The following PCDH9 variants were observed in gnomAD, a reference collection of about 807,000 sequenced individuals.
PCDH9 encodes the protein protocadherin 9.
PCDH9 carries 24 observed loss-of-function variants against 70.6 expected under a neutral mutation model. The observed-to-expected ratio is 0.34, with a 90% confidence interval of 0.25 to 0.48. The LOEUF is 0.48. Among genes scored for constraint, PCDH9 ranks in the 20% least tolerant of loss-of-function variants. PCDH9 has a pLI of 0.99. For synonymous variants in PCDH9, 562 were observed against 558.5 expected (o/e 1.01, Z -0.09); for missense variants, 1,281 against 1,503.6 (o/e 0.85, Z 2.45).
intron 4 of PCDH9, among the ~76,000 whole-genome samples, chr13:66,544,128 C>T (rs1017254259): frequency 1.3e-5 from 2 of 152,134 alleles, no homozygotes; most frequent in Non-Finnish European, 2.9e-5. Context: ...ACCTTTGATG[C>T]CTTATTTAAA....
chr13:66,432,860 G>A (rs1476861425), intron 4 of PCDH9, among the ~76,000 whole-genome samples: 1 of 151,958 alleles, frequency 6.6e-6, no homozygotes, highest in African/African-American at 2.4e-5. Context: ...GCACCCTACT[G>A]GCTTGTATGA....
chr13:66,331,223 A>T (rs759186465), intron 4 of PCDH9, among the ~76,000 whole-genome samples: 1 of 152,200 alleles, frequency 6.6e-6, no homozygotes, highest in Non-Finnish European at 1.5e-5. Context: ...AAAAAATATA[A>T]GACAAACAAG....
chr13:66,813,548 A>T (rs1461351337), intron 3 of PCDH9, among the ~76,000 whole-genome samples: 1 of 151,718 alleles, frequency 6.6e-6, no homozygotes, highest in Admixed American at 6.6e-5. Context: ...GGAGAGGAGG[A>T]AACAGGTATC....
chr13:66,804,250 C>T (rs1208692569), intron 3 of PCDH9, among the ~76,000 whole-genome samples: 2 of 152,112 alleles, frequency 1.3e-5, no homozygotes, highest in Non-Finnish European at 2.9e-5. Context: ...AAACTCATCC[C>T]TGGGTTAGCA....
At chr13:67,006,344 A>G (rs2084355162) in intron 2 of PCDH9, among the ~76,000 whole-genome samples, 1 of 152,228 alleles carries the variant, frequency 6.6e-6, no homozygotes, top group Non-Finnish European at 1.5e-5. Flanking sequence ...AGGAATGTAT[A>G]AAATACAAAA....
intron 2 of PCDH9, among the ~76,000 whole-genome samples, chr13:66,964,625 A>AT (rs1182125683): frequency 1.1e-4 from 16 of 152,216 alleles, no homozygotes; most frequent in African/African-American, 3.6e-4. Flanking sequence ...AAAAAAAAAA[A>AT]ATATTCTTCA....
rs1038009103 is a variant in PCDH9, at chr13:66,732,457, C to G, written c.3139-101046G>C. Among the ~76,000 whole-genome samples the G allele has an allele frequency of 2.0e-5, 3 of 152,036 alleles. No homozygotes were observed. The East Asian group carries it at 5.8e-4, about 29-fold the overall frequency. On this transcript the variant is annotated intron_variant, in intron 3 of 4. Transcript: ENST00000377865. ...TTACATGTGTCTACAAGGGCCTTGC[C>G]AAGCTTGGAAAATTATTAATTCAAT... is the stretch of plus-strand genomic sequence containing the variant.
At chr13:66,381,477 A>T (rs1956847508) in intron 4 of PCDH9, among the ~76,000 whole-genome samples, 1 of 152,212 alleles carries the variant, frequency 6.6e-6, no homozygotes, top group South Asian at 2.1e-4. Context: ...ACACTGTGTA[A>T]GGCTTACTTT....
Position 66,448,383 on chromosome 13 carries a change from A to G in PCDH9, c.3341-143355T>C, listed in dbSNP as rs78165815. Among the ~76,000 whole-genome samples, 640 of 152,324 alleles carry G rather than the reference A, an allele frequency of 4.2e-3. 23 individuals carry two copies. The East Asian group carries it at 0.082, about 19-fold the overall frequency. The stretch of plus-strand genomic sequence containing the variant: ...AGTGAATGCCATGTTTTACATTTTA[A>G]GGGCCAGGCCCTAATTAGAGTACTG... On this transcript the variant is annotated intron_variant, in intron 4 of 4. Coordinates refer to ENST00000377865, the MANE Select transcript of PCDH9 (RefSeq NM_203487.3).
chr13:66,531,325 CA>C (rs1242346692), intron 4 of PCDH9, among the ~76,000 whole-genome samples: 1 of 152,012 alleles, frequency 6.6e-6, no homozygotes, highest in Non-Finnish European at 1.5e-5. Flanking sequence ...TACAAGAAAA[CA>C]ACAGTCTTTA....
At chr13:67,050,434 A>C (rs2085299686) in intron 2 of PCDH9, among the ~76,000 whole-genome samples, 1 of 152,170 alleles carries the variant, frequency 6.6e-6, no homozygotes, top group African/African-American at 2.4e-5. Context: ...ACTCTCATTT[A>C]ATGTGATCTC....
chr13:66,651,818 C>T (rs2077856091), intron 3 of PCDH9, among the ~76,000 whole-genome samples: 1 of 151,954 alleles, frequency 6.6e-6, no homozygotes, highest in East Asian at 1.9e-4. Flanking sequence ...CATTATGACC[C>T]AGTGAGATTT....
chr13:67,005,043 C>T (rs913177416), intron 2 of PCDH9, among the ~76,000 whole-genome samples: 1 of 151,814 alleles, frequency 6.6e-6, no homozygotes, highest in Non-Finnish European at 1.5e-5. Context: ...ACTTAAGTCT[C>T]CTTTGTAAAG....
Position 66,500,465 on chromosome 13 carries a change from G to A in PCDH9, c.3340+130745C>T, listed in dbSNP as rs1447116803. ...ATTTTTTTTCTAAATATGTAAGACC[G>A]GATAAGTAAATTTTTTTAACAGGAT... On this transcript the variant is annotated intron_variant, in intron 4 of 4. Transcript: ENST00000377865. 4.6e-5 allele frequency among the ~76,000 whole-genome samples: 7 copies of A among 151,810 alleles called. 1 individual carries two copies. The highest frequency in any genetic ancestry group is 4.2e-4 in the South Asian group (2 of 4,788).
intron 3 of PCDH9, among the ~76,000 whole-genome samples, chr13:66,679,821 T>C (rs1467590): frequency 0.98 from 149,208 of 151,968 alleles, 73,299 homozygotes; most frequent in East Asian, 1. Flanking sequence ...TGAAAGTTAG[T>C]TCACCTGACT....
chr13:67,165,853 A>G (rs1281786287), intron 2 of PCDH9, among the ~76,000 whole-genome samples: 1 of 152,202 alleles, frequency 6.6e-6, no homozygotes, highest in Non-Finnish European at 1.5e-5. Context: ...AGTGTAACAA[A>G]TCATATTTGA....
chr13:66,389,782 G>C (rs1956987093), intron 4 of PCDH9, among the ~76,000 whole-genome samples: 1 of 152,028 alleles, frequency 6.6e-6, no homozygotes, highest in East Asian at 1.9e-4. Flanking sequence ...GTTTCATGAG[G>C]ACTCAAAAAA....
chr13:67,203,448 C>T (rs554599801), intron 2 of PCDH9: 7 of 152,094 alleles, frequency 4.6e-5, no homozygotes, highest in African/African-American at 1.7e-4. Context: ...ATACTCTTGA[C>T]CCTTTTGGCT....
chr13:66,326,731 A>G (rs1432346482), intron 4 of PCDH9, among the ~76,000 whole-genome samples: 3 of 152,160 alleles, frequency 2.0e-5, no homozygotes, highest in South Asian at 4.1e-4. Flanking sequence ...ATGCATTTTA[A>G]TTCATGATAA....
Sources: allele counts gnomAD v4.1 joint callset (sites outside exome capture counted in the v4.1 genomes callset), GRCh38; gene constraint gnomAD v4.1.1; transcripts MANE v1.5; gene names NCBI Gene and HGNC (gene_info 2026-07-23, HGNC 2026-07-21).